The following GABPB2 variants were observed in gnomAD, a reference collection of about 807,000 sequenced individuals.
GABPB2 encodes GA-binding protein subunit beta-2.
In GABPB2, 23 loss-of-function variants were observed where a neutral mutation model predicts 39.1. That is an observed-to-expected ratio of 0.59 (90% CI 0.42 to 0.83). The LOEUF is 0.83. Ranked by LOEUF, GABPB2 falls within the 40% of genes least tolerant of loss-of-function variation. GABPB2 has a pLI of 0.00. For synonymous variants in GABPB2, 184 were observed against 199.3 expected (o/e 0.92, Z 0.65); for missense variants, 467 against 541.1 (o/e 0.86, Z 1.36).
intron 1 of GABPB2, among the ~76,000 whole-genome samples, chr1:151,087,150 C>T (rs1678274003): frequency 6.6e-6 from 1 of 151,968 alleles, no homozygotes; most frequent in African/African-American, 2.4e-5. Context: ...CCACCGCGCC[C>T]AGCCAATTTT....
chr1:151,083,787 A>G (rs1677922158), intron 1 of GABPB2, among the ~76,000 whole-genome samples: 1 of 150,842 alleles, frequency 6.6e-6, no homozygotes, highest in Non-Finnish European at 1.5e-5. Flanking sequence ...TGTCACCCAG[A>G]TTGAAGTGCC....
chr1:151,088,139 C>T (rs1198565639), intron 1 of GABPB2, 51 bp from the exon 2 acceptor site: 5 of 1,293,038 alleles, frequency 3.9e-6, no homozygotes, highest in Admixed American at 1.8e-5. Context: ...TGGCGGCTTT[C>T]CTTATGTTCG....
intron 1 of GABPB2, among the ~76,000 whole-genome samples, chr1:151,075,947 G>C (rs1207630700): frequency 2.6e-5 from 4 of 152,036 alleles, no homozygotes; most frequent in African/African-American, 4.8e-5. Flanking sequence ...AGGGTGAATA[G>C]GGGCGATGAT....
chr1:151,077,600 C>T (rs959221945), intron 1 of GABPB2, among the ~76,000 whole-genome samples: 5 of 151,680 alleles, frequency 3.3e-5, no homozygotes, highest in South Asian at 2.1e-4. Flanking sequence ...TGTGATCCGC[C>T]GCGCCCGGCC....
chr1:151,093,474 T>A, intron 4 of GABPB2, 88 bp downstream of exon 4: 1 of 1,034,740 alleles, frequency 9.7e-7, no homozygotes, highest in Non-Finnish European at 1.4e-6. Context: ...GAATTTTCCC[T>A]ATTTTATTAA....
chr1:151,076,994 T>C (rs1009132303), intron 1 of GABPB2, among the ~76,000 whole-genome samples: 2 of 151,702 alleles, frequency 1.3e-5, no homozygotes, highest in Non-Finnish European at 2.9e-5. Flanking sequence ...GGGGTTTCAC[T>C]GTGTTAGCCA....
intron 7 of GABPB2, among the ~76,000 whole-genome samples, chr1:151,116,888 G>A (rs931539646): frequency 1.1e-4 from 17 of 152,214 alleles, no homozygotes; most frequent in African/African-American, 3.9e-4. Context: ...AGAATTATAG[G>A]TGTGAGCCAC....
intron 1 of GABPB2, among the ~76,000 whole-genome samples, chr1:151,083,021 T>G (rs1439543245): frequency 2.0e-5 from 3 of 151,900 alleles, no homozygotes; most frequent in Non-Finnish European, 4.4e-5. Context: ...ATGAGGAATT[T>G]GAAAACACAT....
intron 1 of GABPB2, among the ~76,000 whole-genome samples, chr1:151,080,682 T>C (rs993179680): frequency 1.3e-5 from 2 of 150,124 alleles, no homozygotes; most frequent in African/African-American, 2.4e-5. Context: ...ACCCCATCTC[T>C]ACTAAAAATA....
At chr1:151,086,272 CT>C in intron 1 of GABPB2, among the ~76,000 whole-genome samples, 1 of 151,998 alleles carries the variant, frequency 6.6e-6, no homozygotes, top group South Asian at 2.1e-4. Context: ...TTTATGTATA[CT>C]TCCCATTTTG....
intron 2 of GABPB2, 96 bp downstream of exon 2, chr1:151,088,393 C>G: frequency 8.0e-7 from 1 of 1,242,458 alleles, no homozygotes; most frequent in Non-Finnish European, 1.1e-6. Context: ...TTCTTCACTC[C>G]CTTTCTACCT....
chr1:151,098,735 G>T (rs933560824), intron 5 of GABPB2, among the ~76,000 whole-genome samples: 1 of 152,084 alleles, frequency 6.6e-6, no homozygotes, highest in Non-Finnish European at 1.5e-5. Flanking sequence ...TGTTCTTAGT[G>T]CATATATAAA....
chr1:151,102,991 G>A (rs1042656366), intron 5 of GABPB2, among the ~76,000 whole-genome samples: 1 of 151,154 alleles, frequency 6.6e-6, no homozygotes, highest in Non-Finnish European at 1.5e-5. Context: ...AGCACTGGCA[G>A]TGCCAAGAGA....
chr1:151,098,292 T>C (rs1679257546), intron 5 of GABPB2, among the ~76,000 whole-genome samples: 1 of 152,000 alleles, frequency 6.6e-6, no homozygotes, highest in South Asian at 2.1e-4. Context: ...GGTGGGAAGA[T>C]TGCTTGAGGC....
At chr1:151,089,110 A>G (rs1049619194) in intron 2 of GABPB2, among the ~76,000 whole-genome samples, 1 of 152,224 alleles carries the variant, frequency 6.6e-6, no homozygotes, top group African/African-American at 2.4e-5. Flanking sequence ...CAGAAGAAAC[A>G]GGTCCAAGTT....
chr1:151,107,340 G>C (rs1680046567), intron 7 of GABPB2, 118 bp downstream of exon 7: 11 of 597,008 alleles, frequency 1.8e-5, no homozygotes, highest in Middle Eastern at 4.1e-4. Context: ...ATGCAAGTTG[G>C]GGCAAAGAAG....
At chr1:151,092,002 G>T (rs1418091549) in intron 3 of GABPB2, among the ~76,000 whole-genome samples, 3 of 151,588 alleles carry the variant, frequency 2.0e-5, no homozygotes, top group African/African-American at 7.3e-5. Flanking sequence ...GTATTGCCCA[G>T]CCCAGGCTGG....
In GABPB2 at chr1:151,121,708, G is replaced by C. The variant is rs1681188838; in HGVS notation, c.*3452G>C. On this transcript the variant is annotated 3_prime_UTR_variant, in exon 9 of 9. Transcript: ENST00000368918. ...CTGTCTCGACCTCCCAAAGTGCTGG[G>C]ATTATAGGCGTGAGCCACTGCGCCT... 2.6e-5 allele frequency: 4 copies of C among 152,194 alleles called. No individual in the cohort carries two copies. The highest frequency in any genetic ancestry group is 7.2e-5 in the African/African-American group (3 of 41,432). 9.4% of individuals were successfully genotyped at this position (152,194 alleles called of 1,614,324 possible).
At chr1:151,111,660 C>T (rs1160678615) in intron 7 of GABPB2, among the ~76,000 whole-genome samples, 1 of 151,080 alleles carries the variant, frequency 6.6e-6, no homozygotes, top group East Asian at 2.0e-4. Context: ...GATCCACCCG[C>T]CTCGGCCTCC....
Sources: allele counts gnomAD v4.1 joint callset (sites outside exome capture counted in the v4.1 genomes callset), GRCh38; gene constraint gnomAD v4.1.1; transcripts MANE v1.5; gene names NCBI Gene and HGNC (gene_info 2026-07-23, HGNC 2026-07-21).